The following LRP5 variants were observed in gnomAD, a reference collection of about 807,000 sequenced individuals.
LRP5 encodes LDL receptor related protein 5.
In LRP5, 62 loss-of-function variants were observed where a neutral mutation model predicts 154.1. The ratio of observed to expected loss-of-function variants is 0.40; its 90% CI spans 0.33 to 0.50. The LOEUF (loss-of-function observed/expected upper bound fraction) is 0.50, where lower values mean the gene tolerates loss of function less well. Ranked by LOEUF, LRP5 falls within the 20% of genes least tolerant of loss-of-function variation. The pLI, the probability that LRP5 is intolerant of heterozygous loss-of-function variation, is 0.55. For missense variants in LRP5, 1,915 were observed against 2,336.7 expected, an observed-to-expected ratio of 0.82 and a Z score of 3.72; for synonymous variants, 966 against 1,011.5, an observed-to-expected ratio of 0.96 and a Z score of 0.85.
chr11:68,365,425 A>T, intron 4 of LRP5, 146 bp from the exon 5 acceptor site: 1 of 1,130,180 alleles, frequency 8.8e-7, no homozygotes, highest in Non-Finnish European at 1.3e-6. Context: ...GCCAGCGGGG[A>T]GGTCCCTGAT....
chr11:68,403,486 A>G lies in LRP5; in HGVS notation c.1588A>G (p.Ile530Val). 1 of 1,613,920 alleles carries G rather than the reference A, an allele frequency of 6.2e-7. No individual in the cohort carries two copies. Among genetic ancestry groups the G allele is most frequent in the South Asian group, 1.1e-5 (1 of 91,072 alleles). Residue 530 changes from isoleucine (I) to valine (V), a missense_variant, in exon 8 of 23, where the codon ATC (isoleucine) becomes GTC (valine). Physicochemically the swap from Ile to Val is conservative, Grantham distance 29. Around this residue, in one of 3 missense-constraint regions of LRP5, gnomAD observed 773 missense variants for 1,100.9 expected, o/e 0.70. Transcript: ENST00000294304. Reference protein sequence around the residue: ...GDAKTDKIEVINVDGTKRRTL... With the variant: ...GDAKTDKIEVVNVDGTKRRTL... ...CTATATTTCTGCCGTCCTGCAGGTGATCAATGTTGATGGGACGAAGAGGCG... is the reference window on the plus strand; with the variant it reads ...CTATATTTCTGCCGTCCTGCAGGTGGTCAATGTTGATGGGACGAAGAGGCG...
At chr11:68,397,972 T>TGTGTGTGTGTGTGTGTG (rs2098650381) in intron 7 of LRP5, among the ~76,000 whole-genome samples, 45 of 142,192 alleles carry the variant, frequency 3.2e-4, no homozygotes, top group Admixed American at 9.7e-4. Context: ...CTGTGTGTGT[T>TGTGTGTGTGTGTGTGTG]TGTGTGTGTG....
chr11:68,406,392 C>G (rs2098655661), intron 8 of LRP5, 132 bp from the exon 9 acceptor site: 15 of 968,328 alleles, frequency 1.5e-5, no homozygotes, highest in Non-Finnish European at 2.3e-5. Flanking sequence ...CGGACCTGAC[C>G]CGGGGGTGAG....
At chr11:68,434,324 C>G (rs567238807) in intron 18 of LRP5, among the ~76,000 whole-genome samples, 1 of 152,138 alleles carries the variant, frequency 6.6e-6, no homozygotes, top group African/African-American at 2.4e-5. Flanking sequence ...TGAAACACAT[C>G]TCTTCTGTGC....
intron 5 of LRP5, among the ~76,000 whole-genome samples, chr11:68,372,249 C>T (rs1411325919): frequency 6.8e-6 from 1 of 148,142 alleles, no homozygotes; most frequent in Admixed American, 6.7e-5. Context: ...GTCAGGCAGA[C>T]CCGGGACCGT....
intron 7 of LRP5, among the ~76,000 whole-genome samples, chr11:68,391,755 C>T (rs919809997): frequency 6.6e-5 from 10 of 152,258 alleles, no homozygotes; most frequent in African/African-American, 9.6e-5. Flanking sequence ...TTTGCCTTCA[C>T]GCATCCCCGC....
At chr11:68,324,228 G>A (rs990998620) in intron 1 of LRP5, among the ~76,000 whole-genome samples, 17 of 152,252 alleles carry the variant, frequency 1.1e-4, no homozygotes, top group Non-Finnish European at 2.4e-4. Context: ...CCTGGCTGCG[G>A]GCGGAACAGC....
chr11:68,372,729 G>A (rs1266950123), intron 5 of LRP5, among the ~76,000 whole-genome samples: 4 of 152,202 alleles, frequency 2.6e-5, no homozygotes, highest in South Asian at 2.1e-4. Context: ...GTCTTCCTTC[G>A]GCGGTTGTAA....
In LRP5 at chr11:68,438,491, C is replaced by T; in HGVS notation, c.4157C>T (p.Ala1386Val). The change falls in exon 20 of 23, where the codon GCC becomes GTC. Residue 1386 changes from alanine to valine, a missense_variant. This residue lies in a region of LRP5 where 1,094 missense variants were observed against 1,210.1 expected (regional missense o/e 0.90). Transcript: ENST00000294304. Reference sequence around the variant, plus strand: ...GACGACAGCCCGGCCCACAGCAGTGCCATCGGGCCCGTCATTGGCATCATC... The same window carrying T: ...GACGACAGCCCGGCCCACAGCAGTGTCATCGGGCCCGTCATTGGCATCATC... Reference protein sequence around the residue: ...PSDDSPAHSSAIGPVIGIILS... With the variant: ...PSDDSPAHSSVIGPVIGIILS... The T allele has an allele frequency of 6.2e-7, 1 of 1,614,228 alleles. No homozygotes were observed. The highest frequency in any genetic ancestry group is 8.5e-7 in the Non-Finnish European group (1 of 1,180,052).
chr11:68,360,303 C>A (rs927551449), intron 3 of LRP5, among the ~76,000 whole-genome samples: 5 of 152,192 alleles, frequency 3.3e-5, no homozygotes, highest in Admixed American at 1.3e-4. Flanking sequence ...AGGTGTGAAC[C>A]ACTGTGCCTA....
chr11:68,414,020 C>T lies in LRP5; in HGVS notation c.2827+8C>T, dbSNP rs769743465. On this transcript the variant is annotated splice_region_variant and intron_variant, in intron 12 of 22. Transcript: ENST00000294304. ...GCAGCCGCAACTGCAGCCGTAAGTG[C>T]CTCATGGTCCCCCGCACCTCACTCC... 2.5e-6 allele frequency: 4 copies of T among 1,601,934 alleles called. No individual in the cohort carries two copies. The highest frequency in any genetic ancestry group is 2.2e-5 in the South Asian group (2 of 90,934).
chr11:68,323,329 G>A (rs1448402747), intron 1 of LRP5, among the ~76,000 whole-genome samples: 1 of 151,968 alleles, frequency 6.6e-6, no homozygotes, highest in African/African-American at 2.4e-5. Context: ...GGCTGGTCTC[G>A]AACTTCTGAC....
intron 6 of LRP5, among the ~76,000 whole-genome samples, chr11:68,389,254 CGACATTTACCAACACT>C (rs1285385132): frequency 1.2e-4 from 18 of 152,248 alleles, no homozygotes; most frequent in East Asian, 7.7e-4. Flanking sequence ...CTACCAACAC[CGACATTTACCAACACT>C]GACATTTACC....
chr11:68,333,296 G>T (rs1487363775), intron 1 of LRP5, among the ~76,000 whole-genome samples: 1 of 152,226 alleles, frequency 6.6e-6, no homozygotes, highest in African/African-American at 2.4e-5. Context: ...TCCACGAGAA[G>T]CTAAGGTATG....
chr11:68,358,445 G>GC, intron 3 of LRP5, among the ~76,000 whole-genome samples: 1 of 152,314 alleles, frequency 6.6e-6, no homozygotes, highest in South Asian at 2.1e-4. Flanking sequence ...CACCAGATGA[G>GC]CAACAAAAGC....
chr11:68,405,487 AAAG>A (rs1248179102), intron 8 of LRP5, among the ~76,000 whole-genome samples: 4 of 151,680 alleles, frequency 2.6e-5, no homozygotes, highest in Non-Finnish European at 4.4e-5. Context: ...AAAAAAAAAA[AAAG>A]CATTTACTAT....
In LRP5 at chr11:68,386,200, G is replaced by A; in HGVS notation, c.1016-116G>A. On this transcript the variant is annotated intron_variant, in intron 5 of 22. Coordinates refer to ENST00000294304, the MANE Select transcript of LRP5 (RefSeq NM_002335.4). This position sits in a 1 kb window ranked among gnomAD's most constrained non-coding sequence, Gnocchi z 7.9. ...GTGTCACCTAACATCACCAGCCTTT[G>A]CAAGGAGAGCCCTGGGGGCCTGGCT... 1 of 1,318,690 alleles carries A rather than the reference G, an allele frequency of 7.6e-7. No individual in the cohort carries two copies. The highest frequency in any genetic ancestry group is 2.3e-5 in the East Asian group (1 of 42,572). 81.7% of individuals were successfully genotyped at this position (1,318,690 alleles called of 1,614,324 possible).
chr11:68,386,279 C>T lies in LRP5; in HGVS notation c.1016-37C>T, dbSNP rs1487533801. ...GGCCTAGACTTGTGCCTGCTGCAGG[C>T]CCTTGACCCCTGACCCCATTGCACC... is the stretch of plus-strand genomic sequence containing the variant. On this transcript the variant is annotated intron_variant, in intron 5 of 22. Coordinates refer to ENST00000294304, the MANE Select transcript of LRP5 (RefSeq NM_002335.4). The surrounding 1 kb of genome is among the most constrained non-coding windows in gnomAD (Gnocchi z 7.9). The T allele has an allele frequency of 1.9e-6, 3 of 1,606,764 alleles. No homozygotes were observed. Among genetic ancestry groups the T allele is most frequent in the Non-Finnish European group, 2.5e-6 (3 of 1,179,814 alleles).
intron 5 of LRP5, among the ~76,000 whole-genome samples, chr11:68,366,540 G>T (rs1466400696): frequency 6.6e-6 from 1 of 152,112 alleles, no homozygotes; most frequent in Non-Finnish European, 1.5e-5. Flanking sequence ...AGCGGCTGGG[G>T]TGTGTGTGTG....
Sources: allele counts gnomAD v4.1 joint callset (sites outside exome capture counted in the v4.1 genomes callset), GRCh38; gene constraint gnomAD v4.1.1; regional missense constraint gnomAD v4.1.1; non-coding constraint Gnocchi (gnomAD v3.1); transcripts MANE v1.5; gene names NCBI Gene and HGNC (gene_info 2026-07-23, HGNC 2026-07-21).